DYNC2H1: variants seen among roughly 807,000 people sequenced by gnomAD.
DYNC2H1 encodes cytoplasmic dynein 2 heavy chain 1.
DYNC2H1 carries 410 observed loss-of-function variants against 570.0 expected under a neutral mutation model. The ratio of observed to expected loss-of-function variants is 0.72; its 90% CI spans 0.66 to 0.78. DYNC2H1 has a LOEUF of 0.78. DYNC2H1 is among the 30% of genes least tolerant of loss of function. DYNC2H1 has a pLI of 0.00. For synonymous variants in DYNC2H1, 1,688 were observed against 1,677.6 expected (o/e 1.01, Z -0.15); for missense variants, 4,865 against 5,046.4 (o/e 0.96, Z 1.09).
rs1938338287 is a variant in DYNC2H1 at position 103,323,924 on chromosome 11, C to A, written c.11973C>A (p.Asp3991Glu). ...RAVIEKIPED[D>E]KPSFFGLPAN... Reference sequence around the variant, plus strand: ...TCATTGAGAAAATTCCAGAGGACGACAAACCTAGTTTCTTTGGTCTGCCTG... The same window carrying A: ...TCATTGAGAAAATTCCAGAGGACGAAAAACCTAGTTTCTTTGGTCTGCCTG... The change falls in exon 82 of 89, where the codon GAC (aspartate) becomes GAA (glutamate). Residue 3991 changes from aspartate to glutamate, a missense_variant. By Grantham distance (45) the Asp-to-Glu change is conservative (BLOSUM62 2). Coordinates refer to ENST00000375735, the MANE Select transcript of DYNC2H1 (RefSeq NM_001377.3). The A allele has an allele frequency of 6.2e-7, 1 of 1,612,736 alleles. No individual in the cohort carries two copies. Among genetic ancestry groups the A allele is most frequent in the Admixed American group, 1.7e-5 (1 of 59,972 alleles).
chr11:103,445,882 G>A (rs1944407441), intron 85 of DYNC2H1, among the ~76,000 whole-genome samples: 1 of 152,136 alleles, frequency 6.6e-6, no homozygotes, highest in African/African-American at 2.4e-5. Context: ...TCAATCTCCT[G>A]ACCTCGTGAT....
chr11:103,190,771 G>A (rs1862270922), intron 45 of DYNC2H1, among the ~76,000 whole-genome samples: 1 of 152,048 alleles, frequency 6.6e-6, no homozygotes, highest in Admixed American at 6.6e-5. Context: ...CATTTTACCG[G>A]TTGGTTGTAT....
At chr11:103,443,773 T>TA (rs1944345028) in intron 85 of DYNC2H1, among the ~76,000 whole-genome samples, 1 of 151,866 alleles carries the variant, frequency 6.6e-6, no homozygotes, top group African/African-American at 2.4e-5. Flanking sequence ...TATGTGTACC[T>TA]AGTTTTTATT....
At chr11:103,211,537 A>G (rs181819472) in intron 53 of DYNC2H1, among the ~76,000 whole-genome samples, 1 of 152,206 alleles carries the variant, frequency 6.6e-6, no homozygotes, top group East Asian at 1.9e-4. Context: ...AACAATAAAG[A>G]TGTTCAGGGG....
chr11:103,159,537 A>G (rs1303331607), intron 28 of DYNC2H1, among the ~76,000 whole-genome samples: 1 of 152,124 alleles, frequency 6.6e-6, no homozygotes, highest in Non-Finnish European at 1.5e-5. Context: ...ATAGTAAGCT[A>G]TGGGAACAGG....
At chr11:103,358,512 G>A (rs2135526433) in intron 83 of DYNC2H1, among the ~76,000 whole-genome samples, 153 bp downstream of exon 83, 1 of 152,236 alleles carries the variant, frequency 6.6e-6, no homozygotes, top group African/African-American at 2.4e-5. Flanking sequence ...TCATACCAGT[G>A]CACATCAAAG....
intron 18 of DYNC2H1, among the ~76,000 whole-genome samples, chr11:103,144,649 T>C (rs530586519): frequency 2.6e-5 from 4 of 152,218 alleles, no homozygotes; most frequent in East Asian, 1.9e-4. Context: ...CCTGGAAAGG[T>C]GTAGATAAGG....
intron 83 of DYNC2H1, among the ~76,000 whole-genome samples, chr11:103,392,465 G>A (rs1052940456): frequency 2.0e-5 from 3 of 152,194 alleles, no homozygotes; most frequent in Non-Finnish European, 1.5e-5. Flanking sequence ...GTGATGCCTC[G>A]CCCTGCTTCG....
At position 103,283,053 on chromosome 11, in the gene DYNC2H1, C is replaced by A; in HGVS notation, c.10858C>A (p.Gln3620Lys). Residue 3620 changes from glutamine to lysine, a missense_variant, in exon 73 of 89, where the codon CAG becomes AAG. Coordinates refer to ENST00000375735, the MANE Select transcript of DYNC2H1 (RefSeq NM_001377.3). The stretch of plus-strand genomic sequence containing the variant: ...TGATCAGCTTCCGTCTTGGATAGAT[C>A]AGGAACGAAGCTGGGCCGTGGCAAC... ...IRDQLPSWID[Q>K]ERSWAVATLK... The A allele has an allele frequency of 6.2e-7, 1 of 1,608,564 alleles. No homozygotes were observed. The highest frequency in any genetic ancestry group is 8.5e-7 in the Non-Finnish European group (1 of 1,176,952).
intron 84 of DYNC2H1, among the ~76,000 whole-genome samples, chr11:103,411,321 A>C (rs1943077783): frequency 6.6e-6 from 1 of 152,090 alleles, no homozygotes; most frequent in Non-Finnish European, 1.5e-5. Context: ...GGGTGTATTC[A>C]AGGTATCATA....
rs191054601 is a variant in DYNC2H1, at chr11:103,472,915, C to T, written c.12765+4210C>T. Among the ~76,000 whole-genome samples, 67 of 152,244 alleles carry T rather than the reference C, an allele frequency of 4.4e-4. No homozygotes were observed. The highest frequency in any genetic ancestry group is 1.5e-3 in the African/African-American group (62 of 41,542). On this transcript the variant is annotated intron_variant, in intron 88 of 88. Coordinates refer to ENST00000375735, the MANE Select transcript of DYNC2H1 (RefSeq NM_001377.3). This position sits in a 1 kb window ranked among gnomAD's most constrained non-coding sequence, Gnocchi z 4.1. Reference sequence around the variant, plus strand: ...CTGAGGAGCTTCGTTTCAACAGAAACTTGCCCACTAACCCAGTCATTTGCA... The same window carrying T: ...CTGAGGAGCTTCGTTTCAACAGAAATTTGCCCACTAACCCAGTCATTTGCA...
At position 103,140,381 on chromosome 11, in the gene DYNC2H1, T is replaced by G. The variant is rs560777076; in HGVS notation, c.2575-2887T>G. Among the ~76,000 whole-genome samples the G allele has an allele frequency of 1.8e-3, 271 of 152,144 alleles. 3 individuals are homozygous for G. The highest frequency in any genetic ancestry group is 9.7e-4 in the East Asian group (5 of 5,176). ...TTCCTTTCCATGTTGAGTGCTTCCT[T>G]CAGGAACTCTTTTAGGGCAGGCCTG... On this transcript the variant is annotated intron_variant, in intron 17 of 88. Transcript: ENST00000375735.
At position 103,451,324 on chromosome 11, in the gene DYNC2H1, C is replaced by CTTTTTTTTTTTT. The variant is rs34032894; in HGVS notation, c.12457-3846_12457-3835dup. On this transcript the variant is annotated intron_variant, in intron 85 of 88. Transcript: ENST00000375735. Reference sequence around the variant, plus strand: ...AGAAATGAATCACTGAGTAAAAGGGCTTTTTTTTTTTTTTTTTTTTTTTTT... The same window carrying CTTTTTTTTTTTT: ...AGAAATGAATCACTGAGTAAAAGGGCTTTTTTTTTTTTTTTTTTTTTTTTTTTTTTTTTTTTT... 3.5e-4 allele frequency among the ~76,000 whole-genome samples: 25 copies of CTTTTTTTTTTTT among 71,032 alleles called. 2 individuals carry two copies. The highest frequency in any genetic ancestry group is 5.4e-4 in the African/African-American group (8 of 14,834). The allele number at this position is 71,032 out of a possible 152,430, so 46.6% of individuals were successfully genotyped here. A position where few individuals can be genotyped will look rare whatever the true frequency, so the allele number is the denominator to read the frequency against.
intron 44 of DYNC2H1, 48 bp downstream of exon 44, chr11:103,188,696 T>A: frequency 7.5e-7 from 1 of 1,324,806 alleles, no homozygotes; most frequent in Non-Finnish European, 9.9e-7. Context: ...AGATATCATA[T>A]ATAAATGAAT....
intron 78 of DYNC2H1, among the ~76,000 whole-genome samples, chr11:103,310,938 G>A (rs1867560400): frequency 6.6e-6 from 1 of 151,850 alleles, no homozygotes; most frequent in African/African-American, 2.4e-5. Context: ...CTGACCTCAA[G>A]TGATCCACAC....
chr11:103,259,716 C>T (rs1865194477), intron 69 of DYNC2H1, among the ~76,000 whole-genome samples, 172 bp from the exon 70 acceptor site: 2 of 152,064 alleles, frequency 1.3e-5, no homozygotes, highest in Admixed American at 1.3e-4. Context: ...AAAGATGCGT[C>T]ATTTTTTAAT....
chr11:103,256,360 C>T lies in DYNC2H1; in HGVS notation c.10461+120C>T. ...ATGATGTGAAAAGAAAAAAGCTATTCAAAAACATCAGAACATTGGGTTTGA... is the reference window on the plus strand; with the variant it reads ...ATGATGTGAAAAGAAAAAAGCTATTTAAAAACATCAGAACATTGGGTTTGA... On this transcript the variant is annotated intron_variant, in intron 68 of 88. Coordinates refer to ENST00000375735, the MANE Select transcript of DYNC2H1 (RefSeq NM_001377.3). This position sits in a 1 kb window ranked among gnomAD's most constrained non-coding sequence, Gnocchi z 4.0. 1 of 988,998 alleles carries T rather than the reference C, an allele frequency of 1.0e-6. No individual in the cohort carries two copies. The highest frequency in any genetic ancestry group is 1.5e-6 in the Non-Finnish European group (1 of 689,652). The allele number at this position is 988,998 out of a possible 1,614,324, so 61.3% of individuals were successfully genotyped here.
chr11:103,205,844 G>T lies in DYNC2H1; in HGVS notation c.8454+880G>T, dbSNP rs1038695787. Among the ~76,000 whole-genome samples, 4 of 152,162 alleles carry T rather than the reference G, an allele frequency of 2.6e-5. No individual in the cohort carries two copies. The highest frequency in any genetic ancestry group is 4.4e-5 in the Non-Finnish European group (3 of 68,032). Reference sequence around the variant, plus strand: ...TCACCTGGAGCAGAGTGATTGAGGGGAGAGTTGGTGAAGATGATGTCAGAG... The same window carrying T: ...TCACCTGGAGCAGAGTGATTGAGGGTAGAGTTGGTGAAGATGATGTCAGAG... On this transcript the variant is annotated intron_variant, in intron 52 of 88. Transcript: ENST00000375735. This position sits in a 1 kb window ranked among gnomAD's most constrained non-coding sequence, Gnocchi z 4.5.
Position 103,181,687 on chromosome 11 carries a change from A to G in DYNC2H1, c.6348-70A>G, listed in dbSNP as rs1861855109. The G allele has an allele frequency of 1.4e-6, 2 of 1,448,882 alleles. No individual in the cohort carries two copies. The highest frequency in any genetic ancestry group is 5.0e-5 in the East Asian group (2 of 39,916). The allele number at this position is 1,448,882 out of a possible 1,614,324, so 89.8% of individuals were successfully genotyped here. A position where few individuals can be genotyped will look rare whatever the true frequency, so the allele number is the denominator to read the frequency against. ...GTGCGTAGAATAATGTTTATTGGAG[A>G]AGAAATTTATTTTAATGTAAATTGA... is the stretch of plus-strand genomic sequence containing the variant. On this transcript the variant is annotated intron_variant, in intron 39 of 88. Coordinates refer to ENST00000375735, the MANE Select transcript of DYNC2H1 (RefSeq NM_001377.3). This position sits in a 1 kb window ranked among gnomAD's most constrained non-coding sequence, Gnocchi z 5.0.
Sources: allele counts gnomAD v4.1 joint callset (sites outside exome capture counted in the v4.1 genomes callset), GRCh38; gene constraint gnomAD v4.1.1; non-coding constraint Gnocchi (gnomAD v3.1); transcripts MANE v1.5; gene names NCBI Gene and HGNC (gene_info 2026-07-23, HGNC 2026-07-21).